Variants in SOX5 observed in about 807,000 individuals in gnomAD.
The protein encoded by SOX5 is transcription factor SOX-5.
SOX5 carries 9 observed loss-of-function variants against 92.0 expected under a neutral mutation model. The observed-to-expected ratio is 0.10, with a 90% confidence interval of 0.06 to 0.17. The LOEUF is 0.17. Ranked by LOEUF, SOX5 falls within the 10% of genes least tolerant of loss-of-function variation. The pLI, the probability that SOX5 is intolerant of heterozygous loss-of-function variation, is 1.00. For synonymous variants in SOX5, 344 were observed against 336.3 expected (o/e 1.02, Z -0.25); for missense variants, 642 against 944.5 (o/e 0.68, Z 4.20).
intron 3 of SOX5, among the ~76,000 whole-genome samples, chr12:23,782,262 C>T (rs1201678150): frequency 1.3e-5 from 2 of 152,030 alleles, no homozygotes; most frequent in African/African-American, 2.4e-5. Flanking sequence ...TCATTTTCAA[C>T]TAGGTAAACA....
At chr12:23,842,322 T>C (rs917959859) in intron 3 of SOX5, among the ~76,000 whole-genome samples, 6 of 152,152 alleles carry the variant, frequency 3.9e-5, no homozygotes, top group African/African-American at 9.6e-5. Flanking sequence ...CAGTAAGAAA[T>C]GAAGCTGCAA....
intron 3 of SOX5, among the ~76,000 whole-genome samples, chr12:23,772,840 T>TCAG (rs1384949109): frequency 6.6e-6 from 1 of 152,228 alleles, no homozygotes; most frequent in Non-Finnish European, 1.5e-5. Context: ...ATCATTGTCA[T>TCAG]CAGCATCATG....
intron 10 of SOX5, among the ~76,000 whole-genome samples, chr12:23,571,551 A>G (rs1299070508): frequency 2.0e-5 from 3 of 152,174 alleles, no homozygotes; most frequent in Non-Finnish European, 4.4e-5. Context: ...GAGTAAAATG[A>G]TAAATGGCCG....
chr12:24,192,423 T>C (rs1465813460), intron 4 of SOX5, among the ~76,000 whole-genome samples: 1 of 152,090 alleles, frequency 6.6e-6, no homozygotes, highest in Non-Finnish European at 1.5e-5. Context: ...GCAGTGTGTT[T>C]TCTGAACCAG....
At chr12:23,969,171 G>T (rs937536262) in intron 4 of SOX5, among the ~76,000 whole-genome samples, 1 of 152,020 alleles carries the variant, frequency 6.6e-6, no homozygotes, top group African/African-American at 2.4e-5. Flanking sequence ...GATTCTCCAA[G>T]TCTTTCTAGT....
At chr12:23,837,865 AGATAT>A (rs1206069459) in intron 3 of SOX5, among the ~76,000 whole-genome samples, 1 of 101,072 alleles carries the variant, frequency 9.9e-6, no homozygotes, top group Non-Finnish European at 1.7e-5. Context: ...ATAATATATA[AGATAT>A]ATTTATATTT....
intron 4 of SOX5, among the ~76,000 whole-genome samples, chr12:24,048,985 G>A (rs1338111771): frequency 1.3e-5 from 2 of 152,112 alleles, no homozygotes; most frequent in East Asian, 3.9e-4. Flanking sequence ...AAAACCCACT[G>A]AATTCTTCAG....
At chr12:23,788,777 ATAT>A (rs2095423182) in intron 3 of SOX5, among the ~76,000 whole-genome samples, 1 of 152,114 alleles carries the variant, frequency 6.6e-6, no homozygotes, top group Non-Finnish European at 1.5e-5. Context: ...AAGTAATTTC[ATAT>A]TAATCAATAT....
intron 9 of SOX5, chr12:23,603,943 GT>G (rs1566231281): frequency 6.3e-6 from 1 of 158,432 alleles, no homozygotes; most frequent in African/African-American, 2.4e-5. Context: ...GTCTATTTCA[GT>G]TTTCCCTTCT....
chr12:24,366,051 A>G (rs898210666), intron 2 of SOX5, among the ~76,000 whole-genome samples: 1 of 152,120 alleles, frequency 6.6e-6, no homozygotes, highest in African/African-American at 2.4e-5. Context: ...ATGGGTATCA[A>G]TGCTGTTTTT....
At chr12:24,155,327 T>C (rs1216392676) in intron 4 of SOX5, among the ~76,000 whole-genome samples, 3 of 152,142 alleles carry the variant, frequency 2.0e-5, no homozygotes, top group African/African-American at 7.2e-5. Flanking sequence ...TGTTCCCATT[T>C]TTTTCTTCTA....
intron 7 of SOX5, among the ~76,000 whole-genome samples, chr12:23,643,179 A>G (rs1042695624): frequency 2.6e-5 from 4 of 152,010 alleles, no homozygotes; most frequent in Non-Finnish European, 5.9e-5. Context: ...AGATATTTAA[A>G]TGGTATAACT....
chr12:24,160,490 T>A (rs1294482935), intron 4 of SOX5, among the ~76,000 whole-genome samples: 1 of 151,862 alleles, frequency 6.6e-6, no homozygotes, highest in Non-Finnish European at 1.5e-5. Context: ...AGTGACAGAA[T>A]CAACTTTCTG....
chr12:24,095,128 C>CACACACACACACACAG (rs1345578614), intron 4 of SOX5, among the ~76,000 whole-genome samples: 1 of 90,214 alleles, frequency 1.1e-5, no homozygotes, highest in Non-Finnish European at 2.3e-5. Context: ...CACACACACA[C>CACACACACACACACAG]AGAGAGAGAG....
intron 4 of SOX5, among the ~76,000 whole-genome samples, chr12:23,986,863 G>A (rs530706211): frequency 7.2e-5 from 11 of 151,902 alleles, no homozygotes; most frequent in Middle Eastern, 6.8e-3. Flanking sequence ...TTTTTAATAC[G>A]TAATTCTTTT....
chr12:23,772,787 A>G (rs2094975521), intron 3 of SOX5, among the ~76,000 whole-genome samples: 1 of 152,174 alleles, frequency 6.6e-6, no homozygotes, highest in Non-Finnish European at 1.5e-5. Context: ...TAAGTGAGGT[A>G]CCTCAATATA....
chr12:24,282,718 T>C (rs1463707472), intron 2 of SOX5, among the ~76,000 whole-genome samples: 1 of 152,190 alleles, frequency 6.6e-6, no homozygotes, highest in East Asian at 1.9e-4. Flanking sequence ...GATGGTACTA[T>C]TAGCGCCGCT....
intron 3 of SOX5, among the ~76,000 whole-genome samples, chr12:23,768,775 A>C (rs2094823415): frequency 1.3e-5 from 2 of 152,142 alleles, no homozygotes; most frequent in South Asian, 2.1e-4. Context: ...TAAATTTGTA[A>C]TCATTAAAAT....
intron 2 of SOX5, among the ~76,000 whole-genome samples, chr12:24,281,962 G>A (rs547646650): frequency 2.9e-4 from 13 of 44,144 alleles, no homozygotes; most frequent in African/African-American, 2.0e-3. Flanking sequence ...TCCTCGATGC[G>A]ATTTCCGGGG....
Sources: gnomAD v4.1 joint callset for allele counts (sites outside exome capture counted in the v4.1 genomes callset) on GRCh38, gnomAD v4.1.1 for gene constraint, MANE v1.5 for transcripts, NCBI Gene and HGNC (gene_info 2026-07-23, HGNC 2026-07-21) for gene names.